STK17B: variants seen among roughly 807,000 people sequenced by gnomAD.
The protein encoded by STK17B is serine/threonine-protein kinase 17B.
A neutral mutation model predicts 42.0 loss-of-function variants in STK17B; 21 were observed. The observed-to-expected ratio is 0.50, with a 90% CI of 0.35 to 0.72. The LOEUF is 0.72. Among genes scored for constraint, STK17B ranks in the 30% least tolerant of loss-of-function variants. The pLI, the probability that STK17B is intolerant of heterozygous loss-of-function variation, is 0.00. For synonymous variants in STK17B, 143 were observed against 148.4 expected (o/e 0.96, Z 0.26); for missense variants, 349 against 446.0 (o/e 0.78, Z 1.96).
upstream of STK17B, among the ~76,000 whole-genome samples, chr2:196,173,691 G>A (rs1699973326): frequency 6.6e-6 from 1 of 152,160 alleles, no homozygotes; most frequent in Admixed American, 6.5e-5. Context: ...CCCTTGAGTA[G>A]GAAATCTCCA....
intron 1 of STK17B, among the ~76,000 whole-genome samples, chr2:196,163,932 G>T (rs1318805761): frequency 2.0e-5 from 3 of 151,916 alleles, no homozygotes; most frequent in African/African-American, 7.3e-5. Flanking sequence ...CCAGCTGCTT[G>T]GGAGGCTGAG....
chr2:196,154,996 G>A (rs986292183), intron 3 of STK17B: 1 of 152,170 alleles, frequency 6.6e-6, no homozygotes, highest in Non-Finnish European at 1.5e-5. Flanking sequence ...GTATGAACAA[G>A]GTCCATCCAT....
At chr2:196,141,112 T>C in intron 6 of STK17B, 137 bp downstream of exon 6, 1 of 655,420 alleles carries the variant, frequency 1.5e-6, no homozygotes, top group Non-Finnish European at 2.6e-6. Context: ...AATATTTTCC[T>C]GTAGCATAAT....
intron 3 of STK17B, among the ~76,000 whole-genome samples, chr2:196,147,739 T>TA (rs1559410801): frequency 1.3e-5 from 2 of 151,214 alleles, no homozygotes; most frequent in African/African-American, 4.9e-5. Context: ...ATAATATATT[T>TA]TTTTTTTTTT....
intron 4 of STK17B, among the ~76,000 whole-genome samples, chr2:196,144,036 GT>G (rs1699531327): frequency 6.6e-6 from 1 of 152,016 alleles, no homozygotes; most frequent in Non-Finnish European, 1.5e-5. Context: ...GAGTATGCTG[GT>G]TAGAAAGGTG....
At chr2:196,161,087 G>C (rs1699806032) in intron 2 of STK17B, among the ~76,000 whole-genome samples, 1 of 152,116 alleles carries the variant, frequency 6.6e-6, no homozygotes, top group South Asian at 2.1e-4. Context: ...TGTGTGTACT[G>C]TTCAAGACTT....
At chr2:196,172,101 G>A (rs1345254990), upstream of STK17B, among the ~76,000 whole-genome samples, 2 of 152,188 alleles carry the variant, frequency 1.3e-5, no homozygotes, top group African/African-American at 4.8e-5. Flanking sequence ...CTTGGCAGAG[G>A]TTCCTCGGAG....
intron 4 of STK17B, among the ~76,000 whole-genome samples, chr2:196,144,185 A>AT (rs1348511364): frequency 7.6e-5 from 5 of 65,956 alleles, no homozygotes; most frequent in East Asian, 1.0e-3. Flanking sequence ...TAAAAAAAAA[A>AT]TTAAAAAATT....
At chr2:196,150,402 A>G (rs968484939) in intron 3 of STK17B, among the ~76,000 whole-genome samples, 7 of 152,214 alleles carry the variant, frequency 4.6e-5, no homozygotes, top group African/African-American at 1.7e-4. Context: ...GCTATGTGTG[A>G]GAATACGTGA....
At chr2:196,156,359 C>T (rs1033837134) in intron 3 of STK17B, 80 bp downstream of exon 3, 2 of 1,179,834 alleles carry the variant, frequency 1.7e-6, no homozygotes, top group South Asian at 1.6e-5. Context: ...GTTCTTGTCA[C>T]ACCTTTATCA....
intron 1 of STK17B, among the ~76,000 whole-genome samples, chr2:196,164,203 G>A (rs1373418041): frequency 6.6e-6 from 1 of 152,098 alleles, no homozygotes; most frequent in Non-Finnish European, 1.5e-5. Context: ...TTACTGACGT[G>A]AAGGACTACA....
Position 196,136,330 on chromosome 2 carries a change from C to T in STK17B, c.*1117G>A, listed in dbSNP as rs566697922. On this transcript the variant is annotated 3_prime_UTR_variant, in exon 8 of 8. Coordinates refer to ENST00000263955, the MANE Select transcript of STK17B (RefSeq NM_004226.4). ...TCTTGCATTGGTCCCAGCAAAAGAC[C>T]ACAATGAGGGGCCACTCTGCAGATG... 6.6e-6 allele frequency: 1 copy of T among 152,436 alleles called. No individual in the cohort carries two copies. Among genetic ancestry groups the T allele is most frequent in the East Asian group, 1.9e-4 (1 of 5,178 alleles). The allele number at this position is 152,436 out of a possible 1,614,324, so 9.4% of individuals were successfully genotyped here.
At chr2:196,166,748 T>G (rs1036554777) in intron 1 of STK17B, among the ~76,000 whole-genome samples, 4 of 152,184 alleles carry the variant, frequency 2.6e-5, no homozygotes, top group Admixed American at 2.6e-4. Context: ...TTCACTTACT[T>G]GAATGCAGAA....
intron 2 of STK17B, among the ~76,000 whole-genome samples, chr2:196,159,146 T>C (rs1008219662): frequency 5.9e-5 from 9 of 152,150 alleles, no homozygotes; most frequent in African/African-American, 1.7e-4. Context: ...AGAAATTCAC[T>C]TGTAAAATTT....
upstream of STK17B, among the ~76,000 whole-genome samples, chr2:196,173,209 G>A (rs1699968418): frequency 6.6e-6 from 1 of 151,992 alleles, no homozygotes; most frequent in South Asian, 2.1e-4. Context: ...AGCCTCCTAG[G>A]GATATTGTCA....
rs760236080 is a variant in STK17B at position 196,137,746 on chromosome 2, C to G, written c.837-17G>C. The G allele has an allele frequency of 6.3e-7, 1 of 1,588,616 alleles. No individual in the cohort carries two copies. Among genetic ancestry groups the G allele is most frequent in the Admixed American group, 1.8e-5 (1 of 55,508 alleles). On this transcript the variant is annotated splice_polypyrimidine_tract_variant and intron_variant, in intron 7 of 7. Transcript: ENST00000263955. ...GGTCTTTTCCTTTGAAAGAAAGCAC[C>G]AAGGGAAAATTGAGAACTAAAAATC...
chr2:196,146,172 T>G lies in STK17B; in HGVS notation c.336-117A>C, dbSNP rs766522068. ...TATATAAATGTTAATACGTTACACT[T>G]AAAAATAGGGCAGGGAAGTGAGAGA... On this transcript the variant is annotated intron_variant, in intron 3 of 7. Coordinates refer to ENST00000263955, the MANE Select transcript of STK17B (RefSeq NM_004226.4). The G allele has an allele frequency of 1.6e-4, 172 of 1,090,812 alleles. 1 individual carries two copies. Among genetic ancestry groups the G allele is most frequent in the Non-Finnish European group, 2.1e-4 (171 of 818,424 alleles). 67.6% of individuals were successfully genotyped at this position (1,090,812 alleles called of 1,614,324 possible).
Position 196,135,902 on chromosome 2 carries a change from T to C in STK17B, c.*1545A>G, listed in dbSNP as rs1368189400. The C allele has an allele frequency of 6.6e-6, 1 of 151,134 alleles. No individual in the cohort carries two copies. Among genetic ancestry groups the C allele is most frequent in the Non-Finnish European group, 1.5e-5 (1 of 67,786 alleles). 9.4% of individuals were successfully genotyped at this position (151,134 alleles called of 1,614,324 possible). A position where few individuals can be genotyped will look rare whatever the true frequency, so the allele number is the denominator to read the frequency against. On this transcript the variant is annotated 3_prime_UTR_variant, in exon 8 of 8. Coordinates refer to ENST00000263955, the MANE Select transcript of STK17B (RefSeq NM_004226.4). The stretch of plus-strand genomic sequence containing the variant: ...CTATCTATAGATATATACATACACC[T>C]GTACATACACACATGTGCACACATA...
rs1347443642 is a variant in STK17B, at chr2:196,137,536, G to A, written c.1030C>T (p.Pro344Ser). The A allele has an allele frequency of 6.8e-6, 11 of 1,613,904 alleles. No homozygotes were observed. Among genetic ancestry groups the A allele is most frequent in the Non-Finnish European group, 8.5e-6 (10 of 1,179,972 alleles). Residue 344 changes from proline to serine, a missense_variant, in exon 8 of 8, where the codon CCA (proline) becomes TCA (serine). Physicochemically the swap from Pro to Ser is moderately conservative, Grantham distance 74. This residue lies in a region of STK17B where 87 missense variants were observed against 78.8 expected (regional missense o/e 1.10). Transcript: ENST00000263955. Reference protein sequence around the residue: ...CGDREDKENIPEDSSMVSKRF... With the variant: ...CGDREDKENISEDSSMVSKRF... ...TTGGAAACCATGCTGCTATCCTCTG[G>A]GATATTCTCTTTGTCTTCTCTATCA...
Sources: gnomAD v4.1 joint callset for allele counts (sites outside exome capture counted in the v4.1 genomes callset) on GRCh38, gnomAD v4.1.1 for gene constraint, gnomAD v4.1.1 regional missense constraint, MANE v1.5 for transcripts, NCBI Gene and HGNC (gene_info 2026-07-23, HGNC 2026-07-21) for gene names.